The following RNF130 variants were observed in gnomAD, a reference collection of about 807,000 sequenced individuals.
The protein encoded by RNF130 is E3 ubiquitin-protein ligase RNF130.
Under a neutral mutation model 44.6 loss-of-function variants are expected in RNF130, and 21 were observed. The ratio of observed to expected loss-of-function variants is 0.47; its 90% CI spans 0.33 to 0.68. RNF130 has a LOEUF of 0.68. RNF130 is among the 30% of genes least tolerant of loss of function. The probability of loss-of-function intolerance (pLI) is 0.02; values close to 1 mark genes in which losing one functional copy is unlikely to be tolerated. For synonymous variants in RNF130, 214 were observed against 210.4 expected (o/e 1.02, Z -0.15); for missense variants, 479 against 560.6 (o/e 0.85, Z 1.47).
intron 2 of RNF130, among the ~76,000 whole-genome samples, chr5:180,022,735 TAAAC>T (rs1354358398): frequency 6.6e-6 from 1 of 152,254 alleles, no homozygotes; most frequent in Non-Finnish European, 1.5e-5. Context: ...ATACTAGTTT[TAAAC>T]AACCCATTTG....
intron 8 of RNF130, among the ~76,000 whole-genome samples, chr5:179,957,222 G>A (rs550142837): frequency 6.6e-6 from 1 of 152,216 alleles, no homozygotes; most frequent in East Asian, 1.9e-4. Flanking sequence ...GACCAGCCTG[G>A]CCCACATGGC....
intron 3 of RNF130, among the ~76,000 whole-genome samples, chr5:180,009,403 T>G (rs1201017160): frequency 6.6e-6 from 1 of 152,032 alleles, no homozygotes; most frequent in Non-Finnish European, 1.5e-5. Context: ...AATTCAACAG[T>G]GAAAAACAAT....
At chr5:180,012,042 C>A (rs1763606759) in intron 3 of RNF130, among the ~76,000 whole-genome samples, 1 of 152,096 alleles carries the variant, frequency 6.6e-6, no homozygotes, top group African/African-American at 2.4e-5. Context: ...TATTTTATAT[C>A]TACTTTCACA....
rs774641021 is a variant in RNF130 at position 180,013,179 on chromosome 5, C to T, written c.575G>A (p.Arg192His). 3.7e-6 allele frequency: 6 copies of T among 1,614,170 alleles called. No individual in the cohort carries two copies. The highest frequency in any genetic ancestry group is 1.7e-5 in the Admixed American group (1 of 60,026). The stretch of plus-strand genomic sequence containing the variant: ...TATTGACACGAAGACTAGAGAGCCA[C>T]GGCTGAAGTTCTTCGGTGGCATTCG... Reference protein sequence around the residue: ...GTRMPPKNFSRGSLVFVSISF... With the variant: ...GTRMPPKNFSHGSLVFVSISF... Residue 192 changes from arginine (R) to histidine (H), a missense_variant, in exon 3 of 9, where the codon CGT becomes CAT. Transcript: ENST00000521389.
intron 1 of RNF130, among the ~76,000 whole-genome samples, chr5:180,051,259 T>TATTTATTTATTTATTC (rs1402353473): frequency 6.6e-6 from 1 of 151,040 alleles, no homozygotes; most frequent in Non-Finnish European, 1.5e-5. Context: ...TTTATTTATT[T>TATTTATTTATTTATTC]ATTTATTTGA....
At chr5:180,020,711 G>A (rs1232027210) in intron 2 of RNF130, among the ~76,000 whole-genome samples, 1 of 152,148 alleles carries the variant, frequency 6.6e-6, no homozygotes, top group African/African-American at 2.4e-5. Flanking sequence ...TCTCTTGACT[G>A]TATGTCAAGA....
intron 2 of RNF130, among the ~76,000 whole-genome samples, chr5:180,020,927 T>C (rs1037412632): frequency 6.6e-6 from 1 of 152,130 alleles, no homozygotes; most frequent in African/African-American, 2.4e-5. Flanking sequence ...CTCAACTGAG[T>C]AGTTCTGTCC....
intron 2 of RNF130, among the ~76,000 whole-genome samples, chr5:180,038,868 C>T (rs926831386): frequency 6.6e-6 from 1 of 152,160 alleles, no homozygotes; most frequent in African/African-American, 2.4e-5. Context: ...TCTCCCTATT[C>T]ATTTTTCTTC....
chr5:179,997,992 C>T (rs1370507173), intron 3 of RNF130, among the ~76,000 whole-genome samples: 1 of 151,880 alleles, frequency 6.6e-6, no homozygotes, highest in Non-Finnish European at 1.5e-5. Flanking sequence ...CAGGTGCGCG[C>T]CACCACACCC....
intron 6 of RNF130, among the ~76,000 whole-genome samples, chr5:179,968,066 C>T (rs903004236): frequency 3.3e-5 from 5 of 149,616 alleles, no homozygotes; most frequent in Admixed American, 1.3e-4. Flanking sequence ...GAGGCCGAGG[C>T]GGGCAGATCA....
At chr5:180,029,041 C>G (rs915256385) in intron 2 of RNF130, among the ~76,000 whole-genome samples, 1 of 152,118 alleles carries the variant, frequency 6.6e-6, no homozygotes, top group African/African-American at 2.4e-5. Context: ...TTAAGGACTC[C>G]GTTACCCGAA....
At chr5:180,067,318 T>G (rs1765130931) in intron 1 of RNF130, among the ~76,000 whole-genome samples, 2 of 152,198 alleles carry the variant, frequency 1.3e-5, no homozygotes, top group Non-Finnish European at 2.9e-5. Flanking sequence ...CACATTAAGA[T>G]CTTTGCAATT....
chr5:179,974,642 G>A (rs1334612652), intron 5 of RNF130, among the ~76,000 whole-genome samples: 1 of 152,252 alleles, frequency 6.6e-6, no homozygotes, highest in Admixed American at 6.5e-5. Flanking sequence ...CCCTCACGGA[G>A]GGAAGAGGCA....
intron 7 of RNF130, among the ~76,000 whole-genome samples, chr5:179,941,646 C>A (rs1433357754): frequency 6.6e-6 from 1 of 152,208 alleles, no homozygotes; most frequent in Non-Finnish European, 1.5e-5. Flanking sequence ...ATACTGGATT[C>A]ATATCTCTGT....
intron 2 of RNF130, among the ~76,000 whole-genome samples, chr5:180,037,157 T>G (rs1447013804): frequency 6.6e-6 from 1 of 152,208 alleles, no homozygotes; most frequent in East Asian, 1.9e-4. Flanking sequence ...TAATCCAGTC[T>G]CCTATGACAG....
At position 179,963,447 on chromosome 5, in the gene RNF130, A is replaced by C. The variant is rs200436383; in HGVS notation, c.1244+24T>G. 4.4e-6 allele frequency: 7 copies of C among 1,578,834 alleles called. No homozygotes were observed. In the Admixed American group the frequency reaches 5.0e-5, roughly 11 times the overall value. On this transcript the variant is annotated intron_variant, in intron 8 of 8. Coordinates refer to ENST00000521389, the MANE Select transcript of RNF130 (RefSeq NM_018434.6). ...TTCCTGGGATCATCTGGCACATGCA[A>C]TCCAAAAACAATTTGTTACTTACTC...
At chr5:179,987,766 T>G (rs549285541) in intron 3 of RNF130, among the ~76,000 whole-genome samples, 2 of 152,236 alleles carry the variant, frequency 1.3e-5, no homozygotes, top group Non-Finnish European at 2.9e-5. Context: ...TGAAACATCA[T>G]GACTATTGAC....
intron 1 of RNF130, among the ~76,000 whole-genome samples, chr5:180,062,856 C>A (rs554573629): frequency 6.6e-6 from 1 of 152,242 alleles, no homozygotes; most frequent in Admixed American, 6.5e-5. Flanking sequence ...TCAATCTGTC[C>A]CGTTAACTGG....
intron 8 of RNF130, among the ~76,000 whole-genome samples, chr5:179,956,802 T>C (rs561834611): frequency 7.5e-4 from 114 of 152,346 alleles, no homozygotes; most frequent in African/African-American, 2.7e-3. Flanking sequence ...CATGAGGGCA[T>C]AGCCCTGAGC....
Sources: allele counts gnomAD v4.1 joint callset (sites outside exome capture counted in the v4.1 genomes callset), GRCh38; gene constraint gnomAD v4.1.1; transcripts MANE v1.5; gene names NCBI Gene and HGNC (gene_info 2026-07-23, HGNC 2026-07-21).